THSD4: variants seen among roughly 807,000 people sequenced by gnomAD.
The protein encoded by THSD4 is thrombospondin type-1 domain-containing protein 4.
A neutral mutation model predicts 119.0 loss-of-function variants in THSD4; 69 were observed. The ratio of observed to expected loss-of-function variants is 0.58; its 90% CI spans 0.48 to 0.71. The LOEUF is 0.71. THSD4 is among the 30% of genes least tolerant of loss of function. The pLI is 0.00. For missense variants in THSD4, 1,393 were observed against 1,391.1 expected, an observed-to-expected ratio of 1.00 and a Z score of -0.02; for synonymous variants, 524 against 540.4, an observed-to-expected ratio of 0.97 and a Z score of 0.42.
intron 7 of THSD4, among the ~76,000 whole-genome samples, chr15:71,499,500 TA>T (rs60677215): frequency 0.49 from 70,355 of 144,130 alleles, 17,276 homozygotes; most frequent in African/African-American, 0.59. Flanking sequence ...TTTATTATGG[TA>T]AAAAAAAAAA....
chr15:71,450,150 C>A (rs1016399422), intron 7 of THSD4, among the ~76,000 whole-genome samples: 7 of 152,110 alleles, frequency 4.6e-5, no homozygotes, highest in African/African-American at 1.4e-4. Context: ...GATGGCAGAC[C>A]TGTTGCTTCT....
At chr15:71,681,705 A>G (rs2051783847) in intron 8 of THSD4, among the ~76,000 whole-genome samples, 1 of 151,374 alleles carries the variant, frequency 6.6e-6, no homozygotes, top group Admixed American at 6.6e-5. Flanking sequence ...TTTACATGGC[A>G]CATGCCTTTA....
At chr15:71,722,245 G>A (rs1595889908) in intron 8 of THSD4, among the ~76,000 whole-genome samples, 2 of 152,144 alleles carry the variant, frequency 1.3e-5, no homozygotes, top group Admixed American at 1.3e-4. Context: ...TTTTTGAGCT[G>A]TTTCAGAAGC....
chr15:71,240,143 T>C (rs1397400202), intron 4 of THSD4, among the ~76,000 whole-genome samples: 1 of 152,204 alleles, frequency 6.6e-6, no homozygotes, highest in Non-Finnish European at 1.5e-5. Context: ...TTGTATATTT[T>C]ACCCCCTCAG....
intron 3 of THSD4, among the ~76,000 whole-genome samples, chr15:71,198,457 A>G (rs1596263750): frequency 6.6e-6 from 1 of 152,300 alleles, no homozygotes; most frequent in East Asian, 1.9e-4. Context: ...TTAGGCCTAT[A>G]TCCAGGACAC....
At chr15:71,678,041 T>C (rs2051688673) in intron 8 of THSD4, among the ~76,000 whole-genome samples, 1 of 152,206 alleles carries the variant, frequency 6.6e-6, no homozygotes, top group Admixed American at 6.5e-5. Flanking sequence ...TGTTAATCGC[T>C]CCCAGGTCTC....
At chr15:71,514,052 T>G (rs1252964735) in intron 7 of THSD4, among the ~76,000 whole-genome samples, 1 of 152,184 alleles carries the variant, frequency 6.6e-6, no homozygotes, top group Non-Finnish European at 1.5e-5. Context: ...TTAGGGAAAT[T>G]GACTTACTTG....
chr15:71,247,049 C>T (rs1286902321), intron 5 of THSD4, among the ~76,000 whole-genome samples: 1 of 151,998 alleles, frequency 6.6e-6, no homozygotes, highest in Non-Finnish European at 1.5e-5. Context: ...AGGTGCACAA[C>T]ACCATACCTG....
chr15:71,385,273 C>T (rs547529835), intron 6 of THSD4, among the ~76,000 whole-genome samples: 3 of 152,278 alleles, frequency 2.0e-5, no homozygotes, highest in South Asian at 2.1e-4. Flanking sequence ...CAGTTACAAA[C>T]GAGAGCAGTG....
intron 6 of THSD4, among the ~76,000 whole-genome samples, chr15:71,319,449 C>T (rs1387816081): frequency 3.6e-5 from 5 of 137,300 alleles, no homozygotes; most frequent in East Asian, 5.0e-4. Context: ...TGCCCTGTGT[C>T]GAAGTGTTCT....
chr15:71,692,567 C>T (rs977678017), intron 8 of THSD4, among the ~76,000 whole-genome samples: 1 of 152,178 alleles, frequency 6.6e-6, no homozygotes, highest in Non-Finnish European at 1.5e-5. Flanking sequence ...GCCAGGGTGA[C>T]CTCAGCTTAG....
intron 6 of THSD4, among the ~76,000 whole-genome samples, chr15:71,340,421 T>C (rs1002616269): frequency 6.6e-6 from 1 of 152,152 alleles, no homozygotes; most frequent in African/African-American, 2.4e-5. Flanking sequence ...CCTGTAGCTT[T>C]AAGGCTCTGG....
In THSD4 at chr15:71,424,857, T is replaced by G. The variant is rs191957515; in HGVS notation, c.1152+13034T>G. Among the ~76,000 whole-genome samples, 14 of 152,252 alleles carry G rather than the reference T, an allele frequency of 9.2e-5. No homozygotes were observed. In the East Asian group the frequency reaches 2.7e-3, roughly 29 times the overall value. On this transcript the variant is annotated intron_variant, in intron 7 of 17. Transcript: ENST00000261862. ...AATAAAAATAGATGAAACTTTGCCT[T>G]GAAGGTATAGCAGGCATTTGAAAGA...
chr15:71,255,549 C>T (rs1316835237), intron 5 of THSD4, among the ~76,000 whole-genome samples: 1 of 152,156 alleles, frequency 6.6e-6, no homozygotes, highest in Admixed American at 6.5e-5. Flanking sequence ...GGGAGGGATC[C>T]AGAAGTTTGC....
At position 71,783,315 on chromosome 15, in the gene THSD4, C is replaced by T. The variant is rs1182800394; in HGVS notation, c.*5941C>T. ...AGCGTGTGCTTTCTCTGGCCTTATT[C>T]GCGTTCTGTTCTCCTGCAAATAGCG... is the stretch of plus-strand genomic sequence containing the variant. On this transcript the variant is annotated 3_prime_UTR_variant, in exon 18 of 18. Transcript: ENST00000261862. 2.0e-5 allele frequency: 3 copies of T among 151,842 alleles called. No individual in the cohort carries two copies. Among genetic ancestry groups the T allele is most frequent in the Admixed American group, 1.3e-4 (2 of 15,242 alleles). The allele number at this position is 151,842 out of a possible 1,614,324, so 9.4% of individuals were successfully genotyped here. A position where few individuals can be genotyped will look rare whatever the true frequency, so the allele number is the denominator to read the frequency against.
intron 4 of THSD4, among the ~76,000 whole-genome samples, chr15:71,235,354 T>G (rs995864069): frequency 2.6e-4 from 39 of 152,292 alleles, no homozygotes; most frequent in Admixed American, 6.5e-4. Context: ...AAGGCTCTCT[T>G]TAAGCCACAT....
Position 71,660,740 on chromosome 15 carries a change from C to G in THSD4, c.1357+6C>G, listed in dbSNP as rs764855258. The G allele has an allele frequency of 1.2e-5, 20 of 1,613,908 alleles. No individual in the cohort carries two copies. Among genetic ancestry groups the G allele is most frequent in the Admixed American group, 1.7e-5 (1 of 60,004 alleles). The stretch of plus-strand genomic sequence containing the variant: ...CAAGAGCAACAACTATTTGGGTAAG[C>G]TTGGTCTTTTTCCAGAGAAAACCGT... On this transcript the variant is annotated splice_donor_region_variant and intron_variant, in intron 8 of 17. Transcript: ENST00000261862.
At chr15:71,462,411 C>G (rs2140618203) in intron 7 of THSD4, among the ~76,000 whole-genome samples, 1 of 152,292 alleles carries the variant, frequency 6.6e-6, no homozygotes, top group South Asian at 2.1e-4. Flanking sequence ...CCTGCACCAC[C>G]CAAAATGTTG....
intron 8 of THSD4, among the ~76,000 whole-genome samples, chr15:71,724,287 A>ATATATATATATATATATATTT: frequency 5.1e-4 from 19 of 37,288 alleles, no homozygotes; most frequent in South Asian, 2.0e-3. Context: ...ATATATATAT[A>ATATATATATATATATATATTT]TTTTTTTTTT....
Sources: gnomAD v4.1 joint callset for allele counts (sites outside exome capture counted in the v4.1 genomes callset) on GRCh38, gnomAD v4.1.1 for gene constraint, MANE v1.5 for transcripts, NCBI Gene and HGNC (gene_info 2026-07-23, HGNC 2026-07-21) for gene names.